Variants in ANK3 observed in about 807,000 individuals in gnomAD.
ANK3 encodes ankyrin 3, also known as ankyrin-3.
In ANK3, 57 loss-of-function variants were observed where a neutral mutation model predicts 370.9. The observed-to-expected ratio is 0.15, with a 90% CI of 0.12 to 0.19. The LOEUF (loss-of-function observed/expected upper bound fraction) is 0.19, where lower values mean the gene tolerates loss of function less well. Ranked by LOEUF, ANK3 falls within the 10% of genes least tolerant of loss-of-function variation. ANK3 has a pLI of 1.00. For missense variants in ANK3, 4,439 were observed against 5,302.1 expected, an observed-to-expected ratio of 0.84 and a Z score of 5.06; for synonymous variants, 1,929 against 1,946.3, an observed-to-expected ratio of 0.99 and a Z score of 0.23.
Position 60,196,628 on chromosome 10 carries a change from GA to G in ANK3, c.1690-4del, listed in dbSNP as rs34796699. On this transcript the variant is annotated splice_polypyrimidine_tract_variant and splice_region_variant and intron_variant, in intron 14 of 43. Transcript: ENST00000280772. The stretch of plus-strand genomic sequence containing the variant: ...ACATGAAGAGGAGTAAATCCTTTCT[GA>G]AAAAAAAAAAACATAAAAATAATGA... 23,189 of 1,225,208 alleles carry G rather than the reference GA, an allele frequency of 0.019. 37 individuals are homozygous for G. Among genetic ancestry groups the G allele is most frequent in the Middle Eastern group, 0.032 (155 of 4,808 alleles). The allele number at this position is 1,225,208 out of a possible 1,614,324, so 75.9% of individuals were successfully genotyped here.
At chr10:60,662,643 A>G (rs1564511215) in intron 1 of ANK3, among the ~76,000 whole-genome samples, 1 of 152,228 alleles carries the variant, frequency 6.6e-6, no homozygotes, top group South Asian at 2.1e-4. Context: ...GCAAGTTTTA[A>G]TTAGAACAAA....
At chr10:60,102,346 A>T (rs1321755165) in intron 28 of ANK3, among the ~76,000 whole-genome samples, 1 of 152,052 alleles carries the variant, frequency 6.6e-6, no homozygotes, top group Non-Finnish European at 1.5e-5. Flanking sequence ...AGTGATTCTC[A>T]TATATCAGGC....
rs1323263706 is a variant in ANK3 at position 60,026,505 on chromosome 10, T to C, written c.*3341A>G. The C allele has an allele frequency of 6.6e-6, 1 of 152,192 alleles. No individual in the cohort carries two copies. The highest frequency in any genetic ancestry group is 2.4e-5 in the African/African-American group (1 of 41,444). The allele number at this position is 152,192 out of a possible 1,614,324, so 9.4% of individuals were successfully genotyped here. On this transcript the variant is annotated 3_prime_UTR_variant, in exon 44 of 44. Transcript: ENST00000280772. Reference sequence around the variant, plus strand: ...AGAGACTCAGAAGATGCCTTATTATTTTTGTGATTTATTTCTGGGCTTCTC... The same window carrying C: ...AGAGACTCAGAAGATGCCTTATTATCTTTGTGATTTATTTCTGGGCTTCTC...
At chr10:60,253,196 TG>T (rs2097692268) in intron 7 of ANK3, among the ~76,000 whole-genome samples, 1 of 152,224 alleles carries the variant, frequency 6.6e-6, no homozygotes, top group Admixed American at 6.5e-5. Flanking sequence ...CCTCCATTGC[TG>T]TCAGACAAGG....
intron 1 of ANK3, among the ~76,000 whole-genome samples, chr10:60,322,572 C>T (rs2048899512): frequency 6.6e-6 from 1 of 151,744 alleles, no homozygotes; most frequent in African/African-American, 2.4e-5. Context: ...CCTTTTATCC[C>T]TTTCTTCCCC....
At chr10:60,692,268 T>A (rs1418924669) in intron 1 of ANK3, among the ~76,000 whole-genome samples, 3 of 152,182 alleles carry the variant, frequency 2.0e-5, no homozygotes, top group Non-Finnish European at 4.4e-5. Flanking sequence ...GCACAGGAGC[T>A]CTGCCTCTGC....
intron 1 of ANK3, among the ~76,000 whole-genome samples, chr10:60,730,494 T>A (rs1377734409): frequency 6.6e-6 from 1 of 152,198 alleles, no homozygotes; most frequent in Non-Finnish European, 1.5e-5. Flanking sequence ...TAACAGCTGA[T>A]CTTTTAATAC....
rs2083452854 is a variant in ANK3 at position 60,074,956 on chromosome 10, T to C, written c.5925A>G (p.Lys1975=). The C allele has an allele frequency of 6.2e-7, 1 of 1,613,974 alleles. No homozygotes were observed. Among genetic ancestry groups the C allele is most frequent in the African/African-American group, 1.3e-5 (1 of 74,980 alleles). ...AGTGTCCTTTGTCACTCTTTGGTGA[T>C]TTGGGTGATCCTTTATTATCTACAC... The part of the protein sequence containing the change: ...DVCVDNKGSP[K]SPKSDKGHSP... Residue 1975 remains lysine (K), a synonymous_variant, in exon 37 of 44, where the codon AAA becomes AAG. Transcript: ENST00000280772.
At chr10:60,249,909 C>T (rs896909192) in intron 7 of ANK3, among the ~76,000 whole-genome samples, 1 of 152,220 alleles carries the variant, frequency 6.6e-6, no homozygotes, top group Non-Finnish European at 1.5e-5. Flanking sequence ...GGTCTGGATT[C>T]ACACCTGTGT....
At chr10:60,394,948 T>C (rs928127856) in intron 2 of ANK3, among the ~76,000 whole-genome samples, 8 of 152,186 alleles carry the variant, frequency 5.3e-5, no homozygotes, top group Non-Finnish European at 1.0e-4. Flanking sequence ...AGAGTTTATA[T>C]ATAATCTGCA....
At chr10:60,149,682 G>C (rs1290840915) in intron 23 of ANK3, among the ~76,000 whole-genome samples, 1 of 152,112 alleles carries the variant, frequency 6.6e-6, no homozygotes, top group Non-Finnish European at 1.5e-5. Flanking sequence ...AGCTGCTGAG[G>C]TCACCAAGGA....
At chr10:60,226,523 C>A (rs1205412230) in intron 8 of ANK3, among the ~76,000 whole-genome samples, 10 of 53,898 alleles carry the variant, frequency 1.9e-4, no homozygotes, top group South Asian at 1.4e-3. Context: ...AGTATATATA[C>A]TATAGTATAT....
chr10:60,413,745 A>C, intron 2 of ANK3, among the ~76,000 whole-genome samples: 1 of 152,204 alleles, frequency 6.6e-6, no homozygotes, highest in Non-Finnish European at 1.5e-5. Flanking sequence ...CTGTAATCCC[A>C]GCACTTTGAG....
intron 2 of ANK3, among the ~76,000 whole-genome samples, chr10:60,468,759 A>G (rs2065068725): frequency 6.6e-6 from 1 of 151,840 alleles, no homozygotes; most frequent in Non-Finnish European, 1.5e-5. Flanking sequence ...GAACTTCAGC[A>G]TAATATATTA....
chr10:60,377,557 A>G (rs1040455814), intron 1 of ANK3, among the ~76,000 whole-genome samples: 1 of 152,254 alleles, frequency 6.6e-6, no homozygotes, highest in Non-Finnish European at 1.5e-5. Flanking sequence ...TAGTTTTACT[A>G]CATAAAACAA....
At chr10:60,609,065 G>A (rs181009086) in intron 2 of ANK3, among the ~76,000 whole-genome samples, 15 of 152,304 alleles carry the variant, frequency 9.8e-5, no homozygotes, top group Non-Finnish European at 1.8e-4. Context: ...GAAAAGGAAA[G>A]AGGAAGGAAT....
intron 7 of ANK3, among the ~76,000 whole-genome samples, chr10:60,260,972 T>C (rs894191565): frequency 2.6e-5 from 4 of 152,226 alleles, no homozygotes; most frequent in Admixed American, 1.3e-4. Flanking sequence ...CTGTTAGTGA[T>C]GATACTACAT....
chr10:60,039,119 T>C (rs1227358436), intron 43 of ANK3, among the ~76,000 whole-genome samples: 1 of 152,260 alleles, frequency 6.6e-6, no homozygotes, highest in African/African-American at 2.4e-5. Flanking sequence ...AAGCATTTAT[T>C]CACTATTGTA....
At chr10:60,403,209 A>C (rs537036847) in intron 2 of ANK3, among the ~76,000 whole-genome samples, 21 of 152,334 alleles carry the variant, frequency 1.4e-4, no homozygotes, top group Admixed American at 7.2e-4. Flanking sequence ...ATCATTACAA[A>C]AACAATTACA....
Sources: gnomAD v4.1 joint callset for allele counts (sites outside exome capture counted in the v4.1 genomes callset) on GRCh38, gnomAD v4.1.1 for gene constraint, MANE v1.5 for transcripts, NCBI Gene and HGNC (gene_info 2026-07-23, HGNC 2026-07-21) for gene names.